Variants in RECQL4 observed in about 807,000 individuals in gnomAD.
RECQL4 encodes the protein RecQ like helicase 4, also known as ATP-dependent DNA helicase Q4.
Under a neutral mutation model 128.6 loss-of-function variants are expected in RECQL4, and 158 were observed. The ratio of observed to expected loss-of-function variants is 1.23; its 90% confidence interval spans 1.08 to 1.40. RECQL4 has a LOEUF of 1.40. Among genes scored for constraint, RECQL4 ranks in the 40% most tolerant of loss-of-function variants. The probability of loss-of-function intolerance (pLI) is 0.00; values close to 1 mark genes in which losing one functional copy is unlikely to be tolerated. For synonymous variants in RECQL4, 996 were observed against 678.9 expected (o/e 1.47, Z -7.26); for missense variants, 2,293 against 1,649.8 (o/e 1.39, Z -6.75).
At position 144,511,403 on chromosome 8, in the gene RECQL4, C is replaced by T; in HGVS notation, c.*28G>A. The stretch of plus-strand genomic sequence containing the variant: ...GCCCTAGCCTCTGACAACCCCAGCT[C>T]TACCCGACATCCCCCAATGCAGTGC... On this transcript the variant is annotated 3_prime_UTR_variant, in exon 21 of 21. Transcript: ENST00000617875. The T allele has an allele frequency of 6.2e-7, 1 of 1,605,614 alleles. No homozygotes were observed. Among genetic ancestry groups the T allele is most frequent in the Non-Finnish European group, 8.5e-7 (1 of 1,173,974 alleles).
In RECQL4 at chr8:144,514,175, C is replaced by T. The variant is rs1451196775; in HGVS notation, c.1878+14G>A. On this transcript the variant is annotated intron_variant, in intron 11 of 20. Coordinates refer to ENST00000617875, the MANE Select transcript of RECQL4 (RefSeq NM_004260.4). ...CCGGCCCTGGCCGCCCACCCCAGTT[C>T]ACATATGGCTCACCTTGCAGACGCG... 6.2e-7 allele frequency: 1 copy of T among 1,612,008 alleles called. No individual in the cohort carries two copies. The highest frequency in any genetic ancestry group is 1.7e-5 in the Admixed American group (1 of 59,946).
At position 144,516,304 on chromosome 8, in the gene RECQL4, G is replaced by C. The variant is rs771543750; in HGVS notation, c.815C>G (p.Pro272Arg). The C allele has an allele frequency of 1.2e-6, 2 of 1,610,226 alleles. No individual in the cohort carries two copies. Among genetic ancestry groups the C allele is most frequent in the Non-Finnish European group, 1.7e-6 (2 of 1,179,020 alleles). The stretch of plus-strand genomic sequence containing the variant: ...GCTGCTCTCCTGCTGGACCTGTGCG[G>C]GGCTCTCCCAGGGCTCCTCGTTCCA... ...RRWNEEPWES[P>R]AQVQQESSQA... is the part of the protein sequence containing the mutation. Residue 272 changes from proline to arginine, a missense_variant, in exon 5 of 21, where the codon CCC becomes CGC. Coordinates refer to ENST00000617875, the MANE Select transcript of RECQL4 (RefSeq NM_004260.4).
chr8:144,511,345 C>G lies in RECQL4; in HGVS notation c.*86G>C, dbSNP rs942889609. The G allele has an allele frequency of 1.9e-6, 3 of 1,585,374 alleles. No homozygotes were observed. The highest frequency in any genetic ancestry group is 1.3e-5 in the African/African-American group (1 of 74,264). On this transcript the variant is annotated 3_prime_UTR_variant, in exon 21 of 21. Coordinates refer to ENST00000617875, the MANE Select transcript of RECQL4 (RefSeq NM_004260.4). ...TTTGGAGCCTCCTCGTTCCCACACC[C>G]TGTGGCAGGTTTTGCCCAGGTCCTC...
chr8:144,512,377 T>TG lies in RECQL4; in HGVS notation c.3055+14dup. On this transcript the variant is annotated intron_variant, in intron 17 of 20. Transcript: ENST00000617875. ...AGGCAGCGTCCAGGGCGGTGTGGGGTGGGGAGAGGCGCACCTGTCCTGGGC... is the reference window on the plus strand; with the variant it reads ...AGGCAGCGTCCAGGGCGGTGTGGGGTGGGGGAGAGGCGCACCTGTCCTGGGC... 1 of 1,607,762 alleles carries TG rather than the reference T, an allele frequency of 6.2e-7. No homozygotes were observed. The highest frequency in any genetic ancestry group is 8.5e-7 in the Non-Finnish European group (1 of 1,176,564).
Position 144,515,198 on chromosome 8 carries a change from G to A in RECQL4, c.1435C>T (p.Gln479Ter), listed in dbSNP as rs1254532871. ...CGCTCCTGCCCAGGGCGAAAGGCTT[G>A]GTGCCCCAGCTGCTCCAGGGCCTGG... ...VFQALEQLGH[Q>*]AFRPGQERAV... The change falls in exon 8 of 21, where the codon CAA becomes TAA. Residue 479 changes from glutamine (Q) to a stop codon, truncating the protein, a stop_gained. Transcript: ENST00000617875. LOFTEE classifies it high-confidence loss of function. 6.4e-7 allele frequency: 1 copy of A among 1,570,696 alleles called. No individual in the cohort carries two copies. Among genetic ancestry groups the A allele is most frequent in the Non-Finnish European group, 8.6e-7 (1 of 1,158,862 alleles).
chr8:144,515,500 G>A (rs371874457), intron 6 of RECQL4, 43 bp from the exon 7 acceptor site: 5 of 1,611,794 alleles, frequency 3.1e-6, no homozygotes, highest in African/African-American at 2.7e-5. Context: ...TCCAGGTCGG[G>A]CAAGACAACC....
Position 144,517,070 on chromosome 8 carries a change from T to C in RECQL4, c.334A>G (p.Asn112Asp). 3.7e-6 allele frequency: 6 copies of C among 1,611,452 alleles called. No individual in the cohort carries two copies. Among genetic ancestry groups the C allele is most frequent in the Non-Finnish European group, 5.1e-6 (6 of 1,178,968 alleles). ...CTCACCTGCAGGGTGCCTTTCAGAT[T>C]GGCCTTGAGCCGCTGCCCGTAGTCC... ...VPDYGQRLKA[N>D]LKGTLQAGPA... is the part of the protein sequence containing the mutation. Residue 112 changes from asparagine (N) to aspartate (D), a missense_variant, in exon 4 of 21, where the codon AAT becomes GAT. Transcript: ENST00000617875.
Position 144,511,545 on chromosome 8 carries a change from G to C in RECQL4, c.3513C>G (p.Cys1171Trp), listed in dbSNP as rs2130649211. ...ARIFHGIGSP[C>W]YPAQVYGQDR... is the part of the protein sequence containing the mutation. Reference sequence around the variant, plus strand: ...CCTGCCCGTACACCTGGGCCGGGTAGCAGGGGCTTCCTACGGTGGAGCCAA... The same window carrying C: ...CCTGCCCGTACACCTGGGCCGGGTACCAGGGGCTTCCTACGGTGGAGCCAA... The change falls in exon 21 of 21, where the codon TGC becomes TGG. Residue 1171 changes from cysteine to tryptophan, a missense_variant. Transcript: ENST00000617875. The C allele has an allele frequency of 1.2e-6, 2 of 1,612,312 alleles. No individual in the cohort carries two copies. Among genetic ancestry groups the C allele is most frequent in the Non-Finnish European group, 1.7e-6 (2 of 1,179,584 alleles).
chr8:144,513,798 AGT>A, intron 12 of RECQL4, 86 bp from the exon 13 acceptor site: 1 of 732,214 alleles, frequency 1.4e-6, no homozygotes, highest in Non-Finnish European at 1.9e-6. Flanking sequence ...CGGCGTGGGG[AGT>A]GAGGAGGGGT....
intron 20 of RECQL4, 22 bp from the exon 21 acceptor site, chr8:144,511,577 G>T (rs769476819): frequency 3.1e-6 from 5 of 1,609,314 alleles, no homozygotes; most frequent in Non-Finnish European, 4.2e-6. Context: ...CCAAGACACA[G>T]CCGTGAGCCC....
Position 144,516,664 on chromosome 8 carries a change from G to A in RECQL4, c.455C>T (p.Ala152Val), listed in dbSNP as rs774699880. 31 of 1,599,906 alleles carry A rather than the reference G, an allele frequency of 1.9e-5. No individual in the cohort carries two copies. Among genetic ancestry groups the A allele is most frequent in the Non-Finnish European group, 7.7e-6 (9 of 1,173,050 alleles). Residue 152 changes from alanine to valine, a missense_variant, in exon 5 of 21, where the codon GCA becomes GTA. Transcript: ENST00000617875. ...PPGTGPVPSFAEKVSDEPPQL... is the reference protein window; with the variant it reads ...PPGTGPVPSFVEKVSDEPPQL... ...TGGAGGCTCATCACTGACTTTTTCT[G>A]CAAAGGAGGGGACAGGCCCTGTACC... is the stretch of plus-strand genomic sequence containing the variant.
intron 6 of RECQL4, 59 bp downstream of exon 6, chr8:144,515,703 AAG>A: frequency 1.9e-6 from 3 of 1,584,838 alleles, no homozygotes; most frequent in Non-Finnish European, 2.6e-6. Context: ...TGTCCCCCAA[AAG>A]AGCACTGCGC....
chr8:144,511,585 C>T (rs1209234693), intron 20 of RECQL4, 30 bp from the exon 21 acceptor site: 5 of 1,608,166 alleles, frequency 3.1e-6, no homozygotes, highest in Non-Finnish European at 4.3e-6. Context: ...CAGCCGTGAG[C>T]CCCAGCCCCA....
chr8:144,517,312 C>T (rs1286392987), intron 3 of RECQL4, 102 bp downstream of exon 3: 1 of 1,486,928 alleles, frequency 6.7e-7, no homozygotes. Context: ...AGTCCCCCTC[C>T]CAAGTTCTGT....
In RECQL4 at chr8:144,513,249, G is replaced by A. The variant is rs776742560; in HGVS notation, c.2432C>T (p.Pro811Leu). Residue 811 changes from proline (P) to leucine (L), a missense_variant, in exon 14 of 21, where the codon CCT (proline) becomes CTT (leucine). Physicochemically the swap from Pro to Leu is moderately conservative, Grantham distance 98. Transcript: ENST00000617875. ...AVGRAGRDGQ[P>L]AHCHLFLQPQ... is the part of the protein sequence containing the mutation. ...CTGCAGGAAGAGGTGGCAGTGGGCA[G>A]GCTGCCCGTCACGCCCGGCCCGGCC... 2 of 1,588,932 alleles carry A rather than the reference G, an allele frequency of 1.3e-6. No individual in the cohort carries two copies. Among genetic ancestry groups the A allele is most frequent in the African/African-American group, 1.3e-5 (1 of 74,802 alleles).
At chr8:144,515,294 T>C in intron 7 of RECQL4, 32 bp downstream of exon 7, 3 of 1,611,244 alleles carry the variant, frequency 1.9e-6, no homozygotes, top group Non-Finnish European at 2.5e-6. Flanking sequence ...AACCCCTCAG[T>C]GAAGGCTCTG....
At chr8:144,512,102 G>A (rs533823029) in intron 18 of RECQL4, 35 bp from the exon 19 acceptor site, 90 of 1,603,764 alleles carry the variant, frequency 5.6e-5, no homozygotes, top group Admixed American at 2.2e-4. Context: ...TGATCACTGC[G>A]GGAGGGTGGA....
Position 144,515,170 on chromosome 8 carries a change from G to A in RECQL4, c.1463C>T (p.Ala488Val), listed in dbSNP as rs2130705655. The change falls in exon 8 of 21, where the codon GCA (alanine) becomes GTA (valine). Residue 488 changes from alanine to valine, a missense_variant. Transcript: ENST00000617875. ...CTCACCAGACAGGATCCGCATGACTGCACGCTCCTGCCCAGGGCGAAAGGC... is the reference window on the plus strand; with the variant it reads ...CTCACCAGACAGGATCCGCATGACTACACGCTCCTGCCCAGGGCGAAAGGC... ...HQAFRPGQER[A>V]VMRILSGIST... is the part of the protein sequence containing the mutation. 1 of 1,564,910 alleles carries A rather than the reference G, an allele frequency of 6.4e-7. No homozygotes were observed. The highest frequency in any genetic ancestry group is 1.9e-5 in the Admixed American group (1 of 52,402).
intron 9 of RECQL4, 64 bp from the exon 10 acceptor site, chr8:144,514,589 C>T: frequency 6.6e-7 from 1 of 1,504,108 alleles, no homozygotes; most frequent in Non-Finnish European, 9.1e-7. Flanking sequence ...CCAAGTCATC[C>T]CAGAGCTGCT....
Sources: allele counts gnomAD v4.1 joint callset, GRCh38; gene constraint gnomAD v4.1.1; transcripts MANE v1.5; gene names NCBI Gene and HGNC (gene_info 2026-07-23, HGNC 2026-07-21).